MYLK: variants seen among roughly 807,000 people sequenced by gnomAD.
MYLK encodes myosin light chain kinase, smooth muscle.
In MYLK, 106 loss-of-function variants were observed where a neutral mutation model predicts 203.4. That is an observed-to-expected ratio of 0.52 (90% CI 0.45 to 0.61). The LOEUF is 0.61. MYLK is among the 20% of genes least tolerant of loss of function. The probability of loss-of-function intolerance (pLI) is 0.00; values close to 1 mark genes in which losing one functional copy is unlikely to be tolerated. For missense variants in MYLK, 2,072 were observed against 2,442.3 expected, an observed-to-expected ratio of 0.85 and a Z score of 3.20; for synonymous variants, 867 against 959.5, an observed-to-expected ratio of 0.90 and a Z score of 1.78.
Position 123,700,952 on chromosome 3 carries a change from T to C in MYLK, c.2516A>G (p.Asp839Gly), listed in dbSNP as rs753513585. 6.2e-7 allele frequency: 1 copy of C among 1,610,102 alleles called. No homozygotes were observed. Among genetic ancestry groups the C allele is most frequent in the South Asian group, 1.1e-5 (1 of 91,052 alleles). The change falls in exon 18 of 34, where the codon GAT (aspartate) becomes GGT (glycine). Residue 839 changes from aspartate (D) to glycine (G), a missense_variant. Physicochemically the swap from Asp to Gly is moderately conservative, Grantham distance 94. This residue lies in a region of MYLK where 865 missense variants were observed against 1,016.0 expected (regional missense o/e 0.85). Transcript: ENST00000360304. ...EDLCGGGVGA[D>G]GGGSDRYGSL... is the part of the protein sequence containing the mutation. The stretch of plus-strand genomic sequence containing the variant: ...CCCATAGCGGTCACTACCACCACCA[T>C]CAGCACCAACTCCTCCACCACAGAG...
chr3:123,701,133 C>T (rs1313539598), intron 17 of MYLK, 128 bp from the exon 18 acceptor site: 19 of 1,290,252 alleles, frequency 1.5e-5, no homozygotes, highest in African/African-American at 7.4e-5. Flanking sequence ...TGGGGGAGGC[C>T]GGCCAGGCTG....
At chr3:123,741,276 C>A (rs1430356347) in intron 5 of MYLK, among the ~76,000 whole-genome samples, 1 of 152,132 alleles carries the variant, frequency 6.6e-6, no homozygotes, top group Non-Finnish European at 1.5e-5. Flanking sequence ...GTTTAAGATT[C>A]CACCAGAACT....
chr3:123,873,609 T>A (rs924281215), intron 2 of MYLK, among the ~76,000 whole-genome samples: 1 of 151,990 alleles, frequency 6.6e-6, no homozygotes, highest in Non-Finnish European at 1.5e-5. Context: ...AGATATAAGG[T>A]CAACAAACAA....
In MYLK at chr3:123,715,431, C is replaced by A. The variant is rs374198347; in HGVS notation, c.1805-5538G>T. ...GTTGTGAGAATTAAATAAAACAAGC[C>A]AGCTTTTCTAGCCAATTAGACTTTC... On this transcript the variant is annotated intron_variant, in intron 13 of 33. Transcript: ENST00000360304. Among the ~76,000 whole-genome samples, 38 of 152,300 alleles carry A rather than the reference C, an allele frequency of 2.5e-4. 3 individuals carry two copies. The highest frequency in any genetic ancestry group is 8.7e-4 in the African/African-American group (36 of 41,566).
At chr3:123,720,034 C>G (rs533841264) in intron 13 of MYLK, among the ~76,000 whole-genome samples, 38 of 152,114 alleles carry the variant, frequency 2.5e-4, no homozygotes, top group African/African-American at 9.1e-4. Flanking sequence ...CCTGAGCGTG[C>G]GGCTGCGTCT....
chr3:123,657,609 C>T (rs1489915091), intron 23 of MYLK, among the ~76,000 whole-genome samples, 181 bp from the exon 24 acceptor site: 2 of 152,202 alleles, frequency 1.3e-5, no homozygotes, highest in African/African-American at 2.4e-5. Context: ...CCCACCTGTA[C>T]GGAAAGCCCC....
chr3:123,839,893 G>C (rs1316898005), intron 2 of MYLK, among the ~76,000 whole-genome samples: 5 of 152,042 alleles, frequency 3.3e-5, no homozygotes, highest in African/African-American at 1.2e-4. Flanking sequence ...TAACAGGAAG[G>C]TATCTAACAA....
chr3:123,822,711 TCTC>T (rs1217025250), intron 3 of MYLK, among the ~76,000 whole-genome samples: 1 of 152,182 alleles, frequency 6.6e-6, no homozygotes. Context: ...CCATCTGTCT[TCTC>T]CTCTGCCACC....
In MYLK at chr3:123,854,276, T is replaced by C. The variant is rs78781329; in HGVS notation, c.-127+22283A>G. On this transcript the variant is annotated intron_variant, in intron 2 of 33. Transcript: ENST00000360304. ...TTTTGGGCCACTGAGTTTAGTAATG[T>C]AGCCTAACCCTCTGGGTACAATTGA... Among the ~76,000 whole-genome samples, 91 of 152,014 alleles carry C rather than the reference T, an allele frequency of 6.0e-4. No homozygotes were observed. The East Asian group carries it at 0.014, about 24-fold the overall frequency.
intron 4 of MYLK, among the ~76,000 whole-genome samples, chr3:123,752,828 C>T (rs1187822801): frequency 6.6e-6 from 1 of 152,168 alleles, no homozygotes; most frequent in African/African-American, 2.4e-5. Context: ...TTTAAAAAAA[C>T]ACTAGTGCCC....
At chr3:123,653,207 A>G (rs2059275536) in intron 24 of MYLK, among the ~76,000 whole-genome samples, 1 of 152,054 alleles carries the variant, frequency 6.6e-6, no homozygotes, top group African/African-American at 2.4e-5. Flanking sequence ...ATGACCTACA[A>G]TGACCTGTCA....
chr3:123,820,399 C>T (rs1312059988), intron 3 of MYLK, among the ~76,000 whole-genome samples: 1 of 152,178 alleles, frequency 6.6e-6, no homozygotes, highest in Non-Finnish European at 1.5e-5. Flanking sequence ...TTTCTACTCA[C>T]CTCAGGCAGC....
At chr3:123,866,190 T>C (rs964098736) in intron 2 of MYLK, among the ~76,000 whole-genome samples, 2 of 152,196 alleles carry the variant, frequency 1.3e-5, no homozygotes, top group Non-Finnish European at 1.5e-5. Flanking sequence ...TGTTGTCTTA[T>C]GCCACTGTTT....
intron 32 of MYLK, 139 bp downstream of exon 32, chr3:123,620,068 C>A: frequency 1.2e-6 from 1 of 805,206 alleles, no homozygotes. Context: ...CAGGGCAACC[C>A]AAAATTACTT....
At chr3:123,773,585 A>C (rs1364339289) in intron 4 of MYLK, among the ~76,000 whole-genome samples, 2 of 152,206 alleles carry the variant, frequency 1.3e-5, no homozygotes, top group Non-Finnish European at 2.9e-5. Flanking sequence ...TGAAATCGAC[A>C]TGGTTGGTGA....
intron 2 of MYLK, among the ~76,000 whole-genome samples, chr3:123,859,180 G>C (rs2031677881): frequency 6.6e-6 from 1 of 152,180 alleles, no homozygotes; most frequent in African/African-American, 2.4e-5. Context: ...GGCTTTCAAA[G>C]TGCCTAAATT....
chr3:123,679,448 A>G (rs2060187432), intron 20 of MYLK, among the ~76,000 whole-genome samples: 1 of 152,102 alleles, frequency 6.6e-6, no homozygotes, highest in African/African-American at 2.4e-5. Context: ...TCTGAAGGAC[A>G]AGAGTGCAGG....
intron 33 of MYLK, 85 bp downstream of exon 33, chr3:123,618,554 G>T: frequency 1.3e-6 from 2 of 1,583,866 alleles, no homozygotes; most frequent in Non-Finnish European, 1.7e-6. Context: ...GCACAGAACT[G>T]ACTTCTTGCC....
At chr3:123,838,081 C>G (rs1242754694) in intron 2 of MYLK, among the ~76,000 whole-genome samples, 1 of 152,068 alleles carries the variant, frequency 6.6e-6, no homozygotes, top group Non-Finnish European at 1.5e-5. Context: ...CAGAGTACTT[C>G]AAGCAGTATA....
Sources: gnomAD v4.1 joint callset for allele counts (sites outside exome capture counted in the v4.1 genomes callset) on GRCh38, gnomAD v4.1.1 for gene constraint, gnomAD v4.1.1 regional missense constraint, MANE v1.5 for transcripts, NCBI Gene and HGNC (gene_info 2026-07-23, HGNC 2026-07-21) for gene names.